HMGA1: variants seen among roughly 807,000 people sequenced by gnomAD.
HMGA1 encodes the protein high mobility group AT-hook 1.
HMGA1 carries 1 observed loss-of-function variant against 15.1 expected under a neutral mutation model. The ratio of observed to expected loss-of-function variants is 0.07; its 90% CI spans 0.02 to 0.31. HMGA1 has a LOEUF of 0.31. HMGA1 is among the 10% of genes least tolerant of loss of function. HMGA1 has a pLI of 1.00. For missense variants in HMGA1, 94 were observed against 141.4 expected, an observed-to-expected ratio of 0.66 and a Z score of 1.70; for synonymous variants, 56 against 54.8, an observed-to-expected ratio of 1.02 and a Z score of -0.10.
intron 5 of HMGA1, 154 bp downstream of exon 5, chr6:34,243,672 A>C: frequency 5.1e-6 from 1 of 196,480 alleles, no homozygotes; most frequent in Non-Finnish European, 9.2e-6. Context: ...AGGGGAAGGT[A>C]CCTGGCCTGG....
chr6:34,240,222 A>G (rs1218927885), intron 2 of HMGA1, among the ~76,000 whole-genome samples: 1 of 152,152 alleles, frequency 6.6e-6, no homozygotes, highest in Non-Finnish European at 1.5e-5. Flanking sequence ...CCAGATAGGC[A>G]ATATTGTCAG....
At position 34,244,588 on chromosome 6, in the gene HMGA1, G is replaced by GC. The variant is rs554751232; in HGVS notation, c.271-241dup. 1.4e-4 allele frequency among the ~76,000 whole-genome samples: 22 copies of GC among 152,302 alleles called. No homozygotes were observed. The South Asian group carries it at 3.9e-3, about 27-fold the overall frequency. ...CCTCCTGCCCTCCCTGGGCCTGGGG[G>GC]CCAAGGGGGCTTGGCTCCTGGCTCT... On this transcript the variant is annotated intron_variant, in intron 5 of 5. Coordinates refer to ENST00000311487, the MANE Select transcript of HMGA1 (RefSeq NM_145899.3).
intron 2 of HMGA1, 83 bp from the exon 3 acceptor site, chr6:34,240,654 T>G: frequency 9.0e-7 from 1 of 1,105,928 alleles, no homozygotes; most frequent in Non-Finnish European, 1.3e-6. Context: ...TTTTCTGCAG[T>G]GTGCCTTGAA....
Position 34,245,026 on chromosome 6 carries a change from T to C in HMGA1, c.*142T>C, listed in dbSNP as rs375019390. 4 of 1,537,840 alleles carry C rather than the reference T, an allele frequency of 2.6e-6. No homozygotes were observed. In the South Asian group the frequency reaches 3.6e-5, roughly 14 times the overall value. ...GGCCGCCACCCCCATCTTCCACCTG[T>C]GCCCTCACCACCACACTACACAGCA... On this transcript the variant is annotated 3_prime_UTR_variant, in exon 6 of 6. Coordinates refer to ENST00000311487, the MANE Select transcript of HMGA1 (RefSeq NM_145899.3).
At position 34,243,524 on chromosome 6, in the gene HMGA1, T is replaced by C. The variant is rs762953989; in HGVS notation, c.270+6T>C. ...GGGGCAGACCCAAAAAACTGGTAGGTGAAGAAGCAGACTGCTGCTTGCCTC... is the reference window on the plus strand; with the variant it reads ...GGGGCAGACCCAAAAAACTGGTAGGCGAAGAAGCAGACTGCTGCTTGCCTC... On this transcript the variant is annotated splice_donor_region_variant and intron_variant, in intron 5 of 5. Transcript: ENST00000311487. 1 of 1,611,720 alleles carries C rather than the reference T, an allele frequency of 6.2e-7. No homozygotes were observed. The highest frequency in any genetic ancestry group is 2.2e-5 in the East Asian group (1 of 44,742).
chr6:34,243,211 TTTTTA>T (rs1025996736), intron 4 of HMGA1, among the ~76,000 whole-genome samples: 3 of 152,082 alleles, frequency 2.0e-5, no homozygotes, highest in Non-Finnish European at 2.9e-5. Context: ...GTTGTTTTGT[TTTTTA>T]TTTTATTTTT....
intron 5 of HMGA1, among the ~76,000 whole-genome samples, chr6:34,244,441 G>A (rs182133442): frequency 1.3e-5 from 2 of 152,024 alleles, no homozygotes; most frequent in African/African-American, 4.8e-5. Context: ...ACCCACCAGC[G>A]GGCTCTTGCA....
chr6:34,238,440 C>T (rs1252854990), intron 2 of HMGA1, among the ~76,000 whole-genome samples: 1 of 152,232 alleles, frequency 6.6e-6, no homozygotes, highest in Non-Finnish European at 1.5e-5. Flanking sequence ...TCCTGCTCGC[C>T]AACTTGCTGT....
intron 4 of HMGA1, 125 bp downstream of exon 4, chr6:34,242,920 C>T (rs1762417564): frequency 5.4e-6 from 4 of 738,286 alleles, no homozygotes; most frequent in Non-Finnish European, 9.7e-6. Context: ...GTACCCCCTT[C>T]CCTGGTACAG....
In HMGA1 at chr6:34,243,280, C is replaced by T. The variant is rs149458326; in HGVS notation, c.220-188C>T. On this transcript the variant is annotated intron_variant, in intron 4 of 5. Coordinates refer to ENST00000311487, the MANE Select transcript of HMGA1 (RefSeq NM_145899.3). ...CATGGGCGGAGGTGGGAGTAGGGGG[C>T]GTGTGTGTATGTCGAGGGGGCAAAT... Among the ~76,000 whole-genome samples, 266 of 151,902 alleles carry T rather than the reference C, an allele frequency of 1.8e-3. 1 individual carries two copies. The highest frequency in any genetic ancestry group is 4.7e-3 in the Admixed American group (72 of 15,256).
chr6:34,245,487 G>T lies in HMGA1; in HGVS notation c.*603G>T, dbSNP rs1762673396. On this transcript the variant is annotated 3_prime_UTR_variant, in exon 6 of 6. Transcript: ENST00000311487. ...TTTTCATCCTTCCCCAACTTCCCTA[G>T]TCCCCGTACTAGGTTGGACAGCCCC... The T allele has an allele frequency of 1.4e-6, 2 of 1,381,564 alleles. No individual in the cohort carries two copies. The highest frequency in any genetic ancestry group is 1.9e-6 in the Non-Finnish European group (2 of 1,037,764). The allele number at this position is 1,381,564 out of a possible 1,614,324, so 85.6% of individuals were successfully genotyped here.
At chr6:34,237,618 C>G (rs994817827) in intron 2 of HMGA1, among the ~76,000 whole-genome samples, 5 of 147,658 alleles carry the variant, frequency 3.4e-5, no homozygotes, top group Admixed American at 6.7e-5. Flanking sequence ...GCGGCGAGCG[C>G]GAGTTGTGCA....
rs1434736345 is a variant in HMGA1, at chr6:34,244,879, C to G, written c.319C>G (p.Gln107Glu). 1 of 1,561,316 alleles carries G rather than the reference C, an allele frequency of 6.4e-7. No homozygotes were observed. Among genetic ancestry groups the G allele is most frequent in the African/African-American group, 1.4e-5 (1 of 73,874 alleles). The change falls in exon 6 of 6, where the codon CAG becomes GAG. Residue 107 changes from glutamine to glutamate, a missense_variant. Transcript: ENST00000311487. ...GISQESSEEE[Q>E] ...CTCGCAGGAGTCCTCGGAGGAGGAG[C>G]AGTGACCCATGCGTGCCGCCTGCTC...
At chr6:34,244,724 C>T (rs1172873530) in intron 5 of HMGA1, 107 bp from the exon 6 acceptor site, 2 of 884,916 alleles carry the variant, frequency 2.3e-6, no homozygotes, top group South Asian at 1.4e-5. Flanking sequence ...CCTGACTCAT[C>T]CCTCTTCAGG....
rs1561878568 is a variant in HMGA1, at chr6:34,245,119, T to C, written c.*235T>C. 2 of 1,501,618 alleles carry C rather than the reference T, an allele frequency of 1.3e-6. No individual in the cohort carries two copies. The highest frequency in any genetic ancestry group is 1.8e-6 in the Non-Finnish European group (2 of 1,124,586). 93.0% of individuals were successfully genotyped at this position (1,501,618 alleles called of 1,614,324 possible). On this transcript the variant is annotated 3_prime_UTR_variant, in exon 6 of 6. Transcript: ENST00000311487. ...TTTTCCCCTGGCCTCAGTTCCCAGC[T>C]CCCCCCGCCCACCCACGCATACACA...
chr6:34,241,029 G>C, intron 3 of HMGA1, 114 bp downstream of exon 3: 1 of 1,231,278 alleles, frequency 8.1e-7, no homozygotes, highest in Non-Finnish European at 1.2e-6. Context: ...ATTCTGCGCA[G>C]TAAGCGTGTG....
chr6:34,238,288 C>T (rs1318239982), intron 2 of HMGA1, among the ~76,000 whole-genome samples: 1 of 152,082 alleles, frequency 6.6e-6, no homozygotes, highest in African/African-American at 2.4e-5. Context: ...GTCCCGCCGG[C>T]CGGCCTGCAA....
At chr6:34,244,602 G>A in intron 5 of HMGA1, among the ~76,000 whole-genome samples, 1 of 152,178 alleles carries the variant, frequency 6.6e-6, no homozygotes, top group East Asian at 1.9e-4. Flanking sequence ...AGGGGGCTTG[G>A]CTCCTGGCTC....
Position 34,244,725 on chromosome 6 carries a change from C to T in HMGA1, c.271-106C>T, listed in dbSNP as rs925626405. On this transcript the variant is annotated intron_variant, in intron 5 of 5. Coordinates refer to ENST00000311487, the MANE Select transcript of HMGA1 (RefSeq NM_145899.3). ...CCCACACACTCAGCCCTGACTCATC[C>T]CTCTTCAGGAGAGCCAGGGAGTGCA... is the stretch of plus-strand genomic sequence containing the variant. 31 of 887,760 alleles carry T rather than the reference C, an allele frequency of 3.5e-5. 1 individual carries two copies. In the South Asian group the frequency reaches 3.8e-4, roughly 11 times the overall value. The allele number at this position is 887,760 out of a possible 1,614,324, so 55.0% of individuals were successfully genotyped here.
Sources: allele counts gnomAD v4.1 joint callset (sites outside exome capture counted in the v4.1 genomes callset), GRCh38; gene constraint gnomAD v4.1.1; transcripts MANE v1.5; gene names NCBI Gene and HGNC (gene_info 2026-07-23, HGNC 2026-07-21).